RBPJ: variants seen among roughly 807,000 people sequenced by gnomAD.
The protein encoded by RBPJ is recombination signal binding protein for immunoglobulin kappa J region.
Under a neutral mutation model 67.8 loss-of-function variants are expected in RBPJ, and 9 were observed. The observed-to-expected ratio is 0.13, with a 90% confidence interval of 0.08 to 0.23. The LOEUF (loss-of-function observed/expected upper bound fraction) is 0.23. Among genes scored for constraint, RBPJ ranks in the 10% least tolerant of loss-of-function variants. The probability of loss-of-function intolerance (pLI) is 1.00; values close to 1 mark genes in which losing one functional copy is unlikely to be tolerated. For synonymous variants in RBPJ, 198 were observed against 203.3 expected (o/e 0.97, Z 0.22); for missense variants, 305 against 595.6 (o/e 0.51, Z 5.08).
chr4:26,171,485 T>C (rs1203541247), intron 1 of RBPJ, among the ~76,000 whole-genome samples: 1 of 152,178 alleles, frequency 6.6e-6, no homozygotes, highest in African/African-American at 2.4e-5. Context: ...GGAGAATCTT[T>C]TGAGCCCCAA....
At chr4:26,244,876 T>C (rs149721565) in intron 1 of RBPJ, among the ~76,000 whole-genome samples, 5,640 of 152,198 alleles carry the variant, frequency 0.037, 140 homozygotes, top group Middle Eastern at 0.095. Flanking sequence ...TCAAATGATC[T>C]GCCTGCCTCA....
intron 1 of RBPJ, among the ~76,000 whole-genome samples, chr4:26,210,280 C>T (rs1056119833): frequency 1.3e-5 from 2 of 152,270 alleles, no homozygotes; most frequent in Non-Finnish European, 2.9e-5. Flanking sequence ...CTTTCCCTTT[C>T]CGCACAGGAT....
chr4:26,113,203 C>A, the RBPJ span: 142 of 244,892 alleles, frequency 5.8e-4, no homozygotes, highest in African/African-American at 3.0e-3. Context: ...TCTCTTTAAA[C>A]ATCAGATAGT....
chr4:26,149,297 C>T, the RBPJ span, among the ~76,000 whole-genome samples: 7 of 152,214 alleles, frequency 4.6e-5, no homozygotes, highest in Admixed American at 1.3e-4. Flanking sequence ...CTGAGCCTCT[C>T]TTCAGTGATT....
the RBPJ span, among the ~76,000 whole-genome samples, chr4:26,141,100 A>T: frequency 6.6e-6 from 1 of 152,218 alleles, no homozygotes; most frequent in Admixed American, 6.5e-5. Context: ...CTTGGGCCTC[A>T]GCCCCTTTGT....
At chr4:26,132,039 T>G in the RBPJ span, among the ~76,000 whole-genome samples, 6 of 152,144 alleles carry the variant, frequency 3.9e-5, no homozygotes, top group Non-Finnish European at 7.3e-5. Flanking sequence ...CCTGGACTGG[T>G]CTAGACTGGC....
At chr4:26,259,352 C>A (rs922277151) in intron 1 of RBPJ, among the ~76,000 whole-genome samples, 1 of 152,136 alleles carries the variant, frequency 6.6e-6, no homozygotes, top group African/African-American at 2.4e-5. Context: ...TATTCCTTGG[C>A]CCTCCAAAAA....
rs372083820 is a variant in RBPJ at position 26,362,527 on chromosome 4, TGATACA to T, written c.21-23819_21-23814del. The stretch of plus-strand genomic sequence containing the variant: ...TTATGATCTCAAAACGAAAGGAGAA[TGATACA>T]GATACACTGGCTGAGGTGTTTTGAG... On this transcript the variant is annotated intron_variant, in intron 1 of 10. Coordinates refer to ENST00000355476, the MANE Select transcript of RBPJ (RefSeq NM_015874.6). 578 of 1,589,148 alleles carry T rather than the reference TGATACA, an allele frequency of 3.6e-4. 2 individuals carry two copies. The African/African-American group carries it at 6.7e-3, about 18-fold the overall frequency.
intron 2 of RBPJ, among the ~76,000 whole-genome samples, chr4:26,404,649 A>C (rs1733205334): frequency 6.6e-6 from 1 of 152,206 alleles, no homozygotes; most frequent in Admixed American, 6.5e-5. Flanking sequence ...ATGAGGATTA[A>C]ATAAAATAAT....
chr4:26,207,632 C>T (rs1441823304), intron 1 of RBPJ, among the ~76,000 whole-genome samples: 2 of 152,232 alleles, frequency 1.3e-5, no homozygotes, highest in African/African-American at 4.8e-5. Flanking sequence ...CGTTTAGGCA[C>T]TTGGGGTACA....
intron 1 of RBPJ, among the ~76,000 whole-genome samples, chr4:26,372,983 G>A (rs1424302253): frequency 6.6e-6 from 1 of 152,152 alleles, no homozygotes; most frequent in Non-Finnish European, 1.5e-5. Flanking sequence ...TCAGATACAC[G>A]TTGGCAGAAA....
At chr4:26,270,546 C>A (rs1468390671) in intron 1 of RBPJ, among the ~76,000 whole-genome samples, 1 of 152,020 alleles carries the variant, frequency 6.6e-6, no homozygotes, top group African/African-American at 2.4e-5. Flanking sequence ...ATGCCAACTC[C>A]TGTCTCCACC....
chr4:26,375,630 AAG>A (rs1168389009), intron 1 of RBPJ, among the ~76,000 whole-genome samples: 2 of 152,216 alleles, frequency 1.3e-5, no homozygotes, highest in African/African-American at 4.8e-5. Context: ...GGTGAGAAAT[AAG>A]AGAGAAAATG....
At chr4:26,225,853 A>G (rs1259076426) in intron 1 of RBPJ, among the ~76,000 whole-genome samples, 1 of 152,046 alleles carries the variant, frequency 6.6e-6, no homozygotes, top group South Asian at 2.1e-4. Flanking sequence ...AATAGGGGGA[A>G]AAAAAAGGAA....
At chr4:26,261,497 C>T (rs900371761) in intron 1 of RBPJ, among the ~76,000 whole-genome samples, 1 of 151,954 alleles carries the variant, frequency 6.6e-6, no homozygotes, top group Admixed American at 6.6e-5. Flanking sequence ...AAGTAAATAT[C>T]GGATAAAGGG....
chr4:26,431,847 A>G lies in RBPJ; in HGVS notation c.*840A>G, dbSNP rs1253423934. ...TGTTTTCCTTTTTTTAAAAAAAAATATGGACTTATTGTGGTTATCTGAGAG... is the reference window on the plus strand; with the variant it reads ...TGTTTTCCTTTTTTTAAAAAAAAATGTGGACTTATTGTGGTTATCTGAGAG... On this transcript the variant is annotated 3_prime_UTR_variant, in exon 11 of 11. Transcript: ENST00000355476. 2 of 152,234 alleles carry G rather than the reference A, an allele frequency of 1.3e-5. No individual in the cohort carries two copies. Among genetic ancestry groups the G allele is most frequent in the South Asian group, 2.1e-4 (1 of 4,824 alleles). 9.4% of individuals were successfully genotyped at this position (152,234 alleles called of 1,614,324 possible).
intron 1 of RBPJ, among the ~76,000 whole-genome samples, chr4:26,165,104 T>G (rs1370884966): frequency 6.6e-6 from 1 of 152,180 alleles, no homozygotes; most frequent in Non-Finnish European, 1.5e-5. Flanking sequence ...AAAAGGGCAC[T>G]GCTCTTTATT....
At chr4:26,115,613 T>G in the RBPJ span, among the ~76,000 whole-genome samples, 1 of 152,202 alleles carries the variant, frequency 6.6e-6, no homozygotes, top group Admixed American at 6.5e-5. Context: ...CTCGATTTCC[T>G]GACTTCATGA....
At chr4:26,183,856 C>CA (rs1164121897) in intron 1 of RBPJ, among the ~76,000 whole-genome samples, 1 of 152,006 alleles carries the variant, frequency 6.6e-6, no homozygotes, top group Non-Finnish European at 1.5e-5. Context: ...ACTAAAAATA[C>CA]AAAAAATTAG....
Sources: gnomAD v4.1 joint callset for allele counts (sites outside exome capture counted in the v4.1 genomes callset) on GRCh38, gnomAD v4.1.1 for gene constraint, MANE v1.5 for transcripts, NCBI Gene and HGNC (gene_info 2026-07-23, HGNC 2026-07-21) for gene names.